TRPC4: variants seen among roughly 807,000 people sequenced by gnomAD.
TRPC4 encodes the protein short transient receptor potential channel 4.
A neutral mutation model predicts 99.4 loss-of-function variants in TRPC4; 49 were observed. That is an observed-to-expected ratio of 0.49 (90% CI 0.39 to 0.63). The LOEUF (loss-of-function observed/expected upper bound fraction) is 0.63. TRPC4 is among the 20% of genes least tolerant of loss of function. The pLI, the probability that TRPC4 is intolerant of heterozygous loss-of-function variation, is 0.00. For missense variants in TRPC4, 898 were observed against 1,152.9 expected (o/e 0.78, Z 3.20); for synonymous variants, 454 against 425.9 (o/e 1.07, Z -0.81).
intron 6 of TRPC4, among the ~76,000 whole-genome samples, chr13:37,658,358 T>C (rs770001723): frequency 2.0e-5 from 3 of 152,224 alleles, no homozygotes; most frequent in Non-Finnish European, 4.4e-5. Context: ...GCTCAACATA[T>C]GCTTTATACA....
chr13:37,746,168 C>T lies in TRPC4; in HGVS notation c.666G>A (p.Gln222=). Residue 222 remains glutamine (Q), a synonymous_variant, in exon 3 of 11, where the codon CAG becomes CAA. Transcript: ENST00000379705. ...TCAGTTCCTGAAGTTCCCAACTTAA[C>T]TGAAAGGCTGTGAGAAAAGGATCTT... is the stretch of plus-strand genomic sequence containing the variant. ...SSEDPFLTAF[Q]LSWELQELSK... 5 of 1,613,840 alleles carry T rather than the reference C, an allele frequency of 3.1e-6. No homozygotes were observed. Among genetic ancestry groups the T allele is most frequent in the Non-Finnish European group, 4.2e-6 (5 of 1,179,874 alleles).
intron 3 of TRPC4, among the ~76,000 whole-genome samples, chr13:37,724,462 G>T (rs923524577): frequency 2.6e-5 from 4 of 152,012 alleles, no homozygotes; most frequent in Non-Finnish European, 5.9e-5. Flanking sequence ...TGTGTATATT[G>T]AGCTTGTAGT....
chr13:37,691,689 A>T (rs1041897174), intron 4 of TRPC4, among the ~76,000 whole-genome samples: 2 of 152,252 alleles, frequency 1.3e-5, no homozygotes, highest in Non-Finnish European at 2.9e-5. Context: ...GATTATTTAC[A>T]TATAGTCAAT....
chr13:37,827,102 C>T (rs2762074), intron 1 of TRPC4, among the ~76,000 whole-genome samples: 1 of 151,590 alleles, frequency 6.6e-6, no homozygotes, highest in Non-Finnish European at 1.5e-5. Flanking sequence ...CGTAGTTCTC[C>T]AGCCTTGGTT....
At chr13:37,660,248 G>A (rs988461094) in intron 6 of TRPC4, among the ~76,000 whole-genome samples, 1 of 152,124 alleles carries the variant, frequency 6.6e-6, no homozygotes, top group Non-Finnish European at 1.5e-5. Flanking sequence ...AGTGAAAAAG[G>A]TAATAATATA....
chr13:37,688,313 A>C (rs1953561282), intron 4 of TRPC4, among the ~76,000 whole-genome samples: 1 of 152,220 alleles, frequency 6.6e-6, no homozygotes, highest in Admixed American at 6.5e-5. Context: ...GTTGAACTTC[A>C]ACAAGAAAGA....
rs1239077261 is a variant in TRPC4 at position 37,655,421 on chromosome 13, C to A, written c.1689-138G>T. Reference sequence around the variant, plus strand: ...ACATTAATATCAACAGTAAAATAACCTTTTAGGACAATTATAAAATTAAAC... The same window carrying A: ...ACATTAATATCAACAGTAAAATAACATTTTAGGACAATTATAAAATTAAAC... On this transcript the variant is annotated intron_variant, in intron 6 of 10. Transcript: ENST00000379705. The A allele has an allele frequency of 1.3e-5, 4 of 314,474 alleles. No homozygotes were observed. In the East Asian group the frequency reaches 2.1e-4, roughly 16 times the overall value. The allele number at this position is 314,474 out of a possible 1,614,324, so 19.5% of individuals were successfully genotyped here. A position where few individuals can be genotyped will look rare whatever the true frequency, so the allele number is the denominator to read the frequency against.
At chr13:37,762,293 G>C (rs1419861284) in intron 2 of TRPC4, among the ~76,000 whole-genome samples, 1 of 151,774 alleles carries the variant, frequency 6.6e-6, no homozygotes, top group African/African-American at 2.4e-5. Context: ...TTCAACCATT[G>C]TGGAAGTCAG....
intron 2 of TRPC4, among the ~76,000 whole-genome samples, chr13:37,767,418 T>C (rs1301941974): frequency 1.3e-5 from 2 of 151,250 alleles, no homozygotes; most frequent in African/African-American, 4.8e-5. Context: ...TATATACATA[T>C]ATTTTTAGCA....
chr13:37,637,394 G>A lies in TRPC4; in HGVS notation c.2443C>T (p.His815Tyr). The A allele has an allele frequency of 6.2e-7, 1 of 1,613,508 alleles. No individual in the cohort carries two copies. The highest frequency in any genetic ancestry group is 1.1e-5 in the South Asian group (1 of 91,050). The change falls in exon 11 of 11, where the codon CAT becomes TAT. Residue 815 changes from histidine to tyrosine, a missense_variant. By Grantham distance (83) the His-to-Tyr change is moderately conservative. Around this residue, in one of 3 missense-constraint regions of TRPC4, gnomAD observed 346 missense variants for 351.4 expected, o/e 0.98. Transcript: ENST00000379705. Reference protein sequence around the residue: ...PRSAAIASERHNISNGSALVV... With the variant: ...PRSAAIASERYNISNGSALVV... ...AGGGCAGAGCCATTGCTTATGTTAT[G>A]TCTTTCAGAGGCAATTGCTGCTGAT...
intron 1 of TRPC4, among the ~76,000 whole-genome samples, chr13:37,801,195 T>C (rs754539603): frequency 2.6e-5 from 4 of 152,308 alleles, no homozygotes; most frequent in Non-Finnish European, 5.9e-5. Context: ...TTTTCTAAAA[T>C]TGTTTTTCCT....
chr13:37,641,159 T>C (rs1951704614), intron 8 of TRPC4, among the ~76,000 whole-genome samples: 1 of 152,130 alleles, frequency 6.6e-6, no homozygotes, highest in Non-Finnish European at 1.5e-5. Flanking sequence ...AGAATCTTAC[T>C]CATCCAACGT....
intron 4 of TRPC4, among the ~76,000 whole-genome samples, chr13:37,683,497 G>A (rs1229543327): frequency 6.6e-6 from 1 of 152,118 alleles, no homozygotes; most frequent in Non-Finnish European, 1.5e-5. Flanking sequence ...CAGGAGTGGA[G>A]GGACTGGAAG....
intron 4 of TRPC4, among the ~76,000 whole-genome samples, chr13:37,687,276 C>A (rs1362408983): frequency 1.3e-5 from 2 of 152,162 alleles, no homozygotes; most frequent in Non-Finnish European, 2.9e-5. Context: ...AGTTCTACTT[C>A]TTTCATGAAA....
At chr13:37,652,909 G>A (rs2138624946) in intron 7 of TRPC4, among the ~76,000 whole-genome samples, 1 of 152,138 alleles carries the variant, frequency 6.6e-6, no homozygotes, top group East Asian at 1.9e-4. Context: ...ATAGTCTATG[G>A]TGCTTAGAAA....
intron 4 of TRPC4, among the ~76,000 whole-genome samples, chr13:37,690,887 A>AT (rs1953673534): frequency 6.6e-6 from 1 of 151,492 alleles, no homozygotes; most frequent in Non-Finnish European, 1.5e-5. Context: ...ATATTCTGAG[A>AT]TTTTGAATCA....
At chr13:37,734,453 A>G (rs566034987) in intron 3 of TRPC4, among the ~76,000 whole-genome samples, 1 of 152,180 alleles carries the variant, frequency 6.6e-6, no homozygotes, top group Non-Finnish European at 1.5e-5. Context: ...CAGAGAGAAG[A>G]TCTCTGTGGT....
Position 37,773,314 on chromosome 13 carries a change from C to T in TRPC4, c.378+9642G>A, listed in dbSNP as rs546686608. On this transcript the variant is annotated intron_variant, in intron 2 of 10. Coordinates refer to ENST00000379705, the MANE Select transcript of TRPC4 (RefSeq NM_016179.4). ...AAATCTCACTTGAGCAAGTTAATCT[C>T]TCTGAGCCGCAATTTTTTTATCCAT... 1.4e-4 allele frequency among the ~76,000 whole-genome samples: 21 copies of T among 151,912 alleles called. 1 individual carries two copies. Among genetic ancestry groups the T allele is most frequent in the African/African-American group, 4.8e-4 (20 of 41,498 alleles).
intron 1 of TRPC4, among the ~76,000 whole-genome samples, chr13:37,846,164 T>C (rs1021721617): frequency 3.9e-5 from 6 of 152,174 alleles, no homozygotes; most frequent in African/African-American, 1.4e-4. Flanking sequence ...GCGTGATTTA[T>C]AGGAATTGCT....
Sources: allele counts gnomAD v4.1 joint callset (sites outside exome capture counted in the v4.1 genomes callset), GRCh38; gene constraint gnomAD v4.1.1; regional missense constraint gnomAD v4.1.1; transcripts MANE v1.5; gene names NCBI Gene and HGNC (gene_info 2026-07-23, HGNC 2026-07-21).